Variants in TBL1X observed in about 807,000 individuals in gnomAD.
TBL1X encodes transducin beta like 1 X-linked.
A neutral mutation model predicts 50.7 loss-of-function variants in TBL1X; 10 were observed. The observed-to-expected ratio is 0.20, with a 90% CI of 0.12 to 0.33. The LOEUF (loss-of-function observed/expected upper bound fraction) is 0.33. TBL1X is among the 10% of genes least tolerant of loss of function. The pLI is 1.00. For synonymous variants in TBL1X, 190 were observed against 214.7 expected (o/e 0.88, Z 1.01); for missense variants, 340 against 504.4 (o/e 0.67, Z 3.12).
At chrX:9,534,909 A>G (rs919769426) in intron 2 of TBL1X, 1 of 111,478 alleles carries the variant, frequency 9.0e-6, no homozygotes, top group Admixed American at 9.5e-5. Flanking sequence ...GCTCCTGGCA[A>G]CCACTATTCC....
intron 2 of TBL1X, among the ~76,000 whole-genome samples, chrX:9,504,704 G>A (rs188686370): frequency 8.9e-6 from 1 of 111,985 alleles, no homozygotes; most frequent in Non-Finnish European, 1.9e-5. Context: ...AATCGACCAA[G>A]TAGGAGAAAG....
At position 9,491,967 on chromosome X, in the gene TBL1X, A is replaced by C. The variant is rs970694260; in HGVS notation, c.-200-9813A>C. Among the ~76,000 whole-genome samples, 4 of 112,135 alleles carry C rather than the reference A, an allele frequency of 3.6e-5. No individual in the cohort carries two copies. The Admixed American group carries it at 3.8e-4, about 11-fold the overall frequency. On this transcript the variant is annotated intron_variant, in intron 1 of 17. Coordinates refer to ENST00000645353, the MANE Select transcript of TBL1X (RefSeq NM_005647.4). ...AGCATGGACAGATTTCCTTGTAGAAAGCATGCAAGCAGCATTTCTATGGAG... is the reference window on the plus strand; with the variant it reads ...AGCATGGACAGATTTCCTTGTAGAACGCATGCAAGCAGCATTTCTATGGAG...
At chrX:9,531,878 G>A (rs758114007) in intron 2 of TBL1X, among the ~76,000 whole-genome samples, 23 of 110,646 alleles carry the variant, frequency 2.1e-4, no homozygotes, top group African/African-American at 5.3e-4. Flanking sequence ...GATTATGGGC[G>A]CGCACCACTA....
chrX:9,669,563 C>T (rs747296048), intron 5 of TBL1X, among the ~76,000 whole-genome samples: 26 of 111,593 alleles, frequency 2.3e-4, no homozygotes, highest in Non-Finnish European at 4.0e-4. Flanking sequence ...CTAGGACTTC[C>T]ACTCTTTATC....
chrX:9,543,756 T>C (rs1300825451), intron 2 of TBL1X, among the ~76,000 whole-genome samples: 2 of 111,760 alleles, frequency 1.8e-5, no homozygotes, highest in African/African-American at 3.3e-5. Flanking sequence ...GTGATAGAAA[T>C]AGAAAATTCG....
chrX:9,493,842 C>T (rs1309214115), intron 1 of TBL1X, among the ~76,000 whole-genome samples: 1 of 111,753 alleles, frequency 8.9e-6, no homozygotes, highest in Non-Finnish European at 1.9e-5. Flanking sequence ...GTTTGATATA[C>T]TGTCTCTTTT....
intron 3 of TBL1X, among the ~76,000 whole-genome samples, chrX:9,646,696 C>T (rs1569085700): frequency 4.5e-5 from 5 of 111,968 alleles, no homozygotes; most frequent in Non-Finnish European, 9.4e-5. Flanking sequence ...ACGCCAACAG[C>T]CTGACTAATA....
At chrX:9,514,172 T>A (rs1310152589) in intron 2 of TBL1X, among the ~76,000 whole-genome samples, 2 of 111,784 alleles carry the variant, frequency 1.8e-5, no homozygotes, top group Non-Finnish European at 3.8e-5. Flanking sequence ...ATAACAGGGT[T>A]ACCTGGCACC....
At chrX:9,640,873 C>G (rs976346259) in intron 3 of TBL1X, among the ~76,000 whole-genome samples, 1 of 111,434 alleles carries the variant, frequency 9.0e-6, no homozygotes, top group Non-Finnish European at 1.9e-5. Flanking sequence ...TCAAGTGATC[C>G]GCCCACCTTG....
chrX:9,627,478 A>G (rs1187274568), intron 2 of TBL1X, among the ~76,000 whole-genome samples: 1 of 112,291 alleles, frequency 8.9e-6, no homozygotes, highest in African/African-American at 3.2e-5. Context: ...AAAAAGTATC[A>G]TAGAAAATCC....
intron 2 of TBL1X, among the ~76,000 whole-genome samples, chrX:9,563,078 C>T: frequency 8.9e-6 from 1 of 112,786 alleles, no homozygotes; most frequent in African/African-American, 3.2e-5. Context: ...TTCTGCCCTA[C>T]CCAGAGCATC....
chrX:9,579,386 A>G lies in TBL1X; in HGVS notation c.-130-60887A>G, dbSNP rs193005444. Among the ~76,000 whole-genome samples the G allele has an allele frequency of 2.7e-5, 3 of 111,927 alleles. No homozygotes were observed. In the Admixed American group the frequency reaches 2.8e-4, roughly 11 times the overall value. Reference sequence around the variant, plus strand: ...AGTTTCTATGATTTCAATTTTTACCACTTCTGGAGACTTGTCTTCCCATTT... The same window carrying G: ...AGTTTCTATGATTTCAATTTTTACCGCTTCTGGAGACTTGTCTTCCCATTT... On this transcript the variant is annotated intron_variant, in intron 2 of 17. Coordinates refer to ENST00000645353, the MANE Select transcript of TBL1X (RefSeq NM_005647.4).
rs1373047818 is a variant in TBL1X, at chrX:9,616,179, A to G, written c.-130-24094A>G. Among the ~76,000 whole-genome samples the G allele has an allele frequency of 3.6e-5, 4 of 111,868 alleles. No individual in the cohort carries two copies. In the East Asian group the frequency reaches 1.1e-3, roughly 31 times the overall value. On this transcript the variant is annotated intron_variant, in intron 2 of 17. Transcript: ENST00000645353. ...AAGTTTCAGATTGGTGTATTTGCCAAAGAACAATTGTGTGTACCCCCCACC... is the reference window on the plus strand; with the variant it reads ...AAGTTTCAGATTGGTGTATTTGCCAGAGAACAATTGTGTGTACCCCCCACC...
chrX:9,678,068 G>C (rs1250290124), intron 5 of TBL1X, among the ~76,000 whole-genome samples: 1 of 111,907 alleles, frequency 8.9e-6, no homozygotes, highest in Admixed American at 9.5e-5. Flanking sequence ...CTCAAGACTG[G>C]TGTATCACTT....
intron 2 of TBL1X, among the ~76,000 whole-genome samples, chrX:9,584,400 C>T (rs937966838): frequency 5.3e-5 from 6 of 112,381 alleles, no homozygotes; most frequent in East Asian, 2.8e-4. Context: ...CTCCACATGA[C>T]GCTCTTGCAT....
intron 3 of TBL1X, among the ~76,000 whole-genome samples, chrX:9,649,065 A>T (rs1455259290): frequency 9.0e-6 from 1 of 111,699 alleles, no homozygotes; most frequent in African/African-American, 3.3e-5. Context: ...AAACGCCGGG[A>T]CACCCAGCTG....
chrX:9,668,513 G>A (rs1282383920), intron 5 of TBL1X, among the ~76,000 whole-genome samples: 1 of 112,134 alleles, frequency 8.9e-6, no homozygotes, highest in Non-Finnish European at 1.9e-5. Context: ...ATAAACTTGT[G>A]CAAAATTTAC....
intron 2 of TBL1X, among the ~76,000 whole-genome samples, chrX:9,548,617 G>A (rs753367499): frequency 8.9e-6 from 1 of 112,305 alleles, no homozygotes; most frequent in East Asian, 2.8e-4. Context: ...ATGCAGGTCC[G>A]TTATTGAGAG....
At chrX:9,520,726 A>G (rs1373339264) in intron 2 of TBL1X, among the ~76,000 whole-genome samples, 2 of 109,930 alleles carry the variant, frequency 1.8e-5, no homozygotes, top group Non-Finnish European at 3.8e-5. Flanking sequence ...GAGACGTAGA[A>G]CAGCACTTGA....
Sources: allele counts gnomAD v4.1 joint callset (sites outside exome capture counted in the v4.1 genomes callset), GRCh38; gene constraint gnomAD v4.1.1; transcripts MANE v1.5; gene names NCBI Gene and HGNC (gene_info 2026-07-23, HGNC 2026-07-21).